Variants in MEGF9 observed in about 807,000 individuals in gnomAD.
The protein encoded by MEGF9 is multiple epidermal growth factor-like domains protein 9.
Under a neutral mutation model 46.8 loss-of-function variants are expected in MEGF9, and 6 were observed. The observed-to-expected ratio is 0.13, with a 90% CI of 0.07 to 0.25. The LOEUF (loss-of-function observed/expected upper bound fraction) is 0.25, where lower values mean the gene tolerates loss of function less well. MEGF9 is among the 10% of genes least tolerant of loss of function. The probability of loss-of-function intolerance (pLI) is 1.00; values close to 1 mark genes in which losing one functional copy is unlikely to be tolerated. For missense variants in MEGF9, 683 were observed against 792.4 expected (o/e 0.86, Z 1.66); for synonymous variants, 302 against 330.7 (o/e 0.91, Z 0.94).
intron 1 of MEGF9, among the ~76,000 whole-genome samples, chr9:120,661,398 T>A (rs1021799556): frequency 3.3e-5 from 5 of 152,168 alleles, no homozygotes; most frequent in Non-Finnish European, 5.9e-5. Context: ...GGGCCTGTAG[T>A]CCTCGCTACT....
At position 120,637,451 on chromosome 9, in the gene MEGF9, G is replaced by A. The variant is rs367626262; in HGVS notation, c.804-14696C>T. Reference sequence around the variant, plus strand: ...TAAAAAAAGTTTAAAAAAAAAGAGAGAAGAAATTTTAAAGAATAAAGTATG... The same window carrying A: ...TAAAAAAAGTTTAAAAAAAAAGAGAAAAGAAATTTTAAAGAATAAAGTATG... On this transcript the variant is annotated intron_variant, in intron 2 of 5. Coordinates refer to ENST00000373930, the MANE Select transcript of MEGF9 (RefSeq NM_001080497.3). Among the ~76,000 whole-genome samples, 7 of 150,310 alleles carry A rather than the reference G, an allele frequency of 4.7e-5. No homozygotes were observed. In the South Asian group the frequency reaches 6.3e-4, roughly 14 times the overall value.
At chr9:120,650,567 C>G (rs922906252) in intron 2 of MEGF9, among the ~76,000 whole-genome samples, 1 of 152,180 alleles carries the variant, frequency 6.6e-6, no homozygotes, top group Admixed American at 6.5e-5. Flanking sequence ...CTCCTGCAGC[C>G]AAAATCTACC....
intron 1 of MEGF9, among the ~76,000 whole-genome samples, chr9:120,708,419 T>C (rs1484759706): frequency 6.6e-6 from 1 of 152,168 alleles, no homozygotes; most frequent in East Asian, 1.9e-4. Context: ...ATCTGTAATA[T>C]TTTGTTTACA....
intron 1 of MEGF9, among the ~76,000 whole-genome samples, chr9:120,673,018 C>G (rs1377709835): frequency 2.0e-5 from 3 of 151,454 alleles, no homozygotes; most frequent in South Asian, 2.1e-4. Context: ...GGCAAAACTC[C>G]GTCTCAAAAA....
chr9:120,632,836 C>T (rs1378843285), intron 2 of MEGF9, among the ~76,000 whole-genome samples: 1 of 152,136 alleles, frequency 6.6e-6, no homozygotes, highest in Non-Finnish European at 1.5e-5. Context: ...TTTTCTGCAT[C>T]CACTGAGATG....
chr9:120,682,593 A>G (rs199800750), intron 1 of MEGF9, among the ~76,000 whole-genome samples: 1 of 137,048 alleles, frequency 7.3e-6, no homozygotes, highest in South Asian at 2.4e-4. Context: ...ACACACACGC[A>G]CACACATATA....
At chr9:120,634,557 G>A (rs577146893) in intron 2 of MEGF9, among the ~76,000 whole-genome samples, 18 of 126,486 alleles carry the variant, frequency 1.4e-4, no homozygotes, top group East Asian at 4.4e-4. Flanking sequence ...TGGGGTTCAC[G>A]CCATTCTCCT....
At chr9:120,628,996 T>C (rs1220529427) in intron 2 of MEGF9, among the ~76,000 whole-genome samples, 1 of 152,102 alleles carries the variant, frequency 6.6e-6, no homozygotes, top group Non-Finnish European at 1.5e-5. Flanking sequence ...TGTTTTTTGA[T>C]ACAGGGTCTC....
At chr9:120,636,255 C>G (rs1236439010) in intron 2 of MEGF9, among the ~76,000 whole-genome samples, 1 of 152,098 alleles carries the variant, frequency 6.6e-6, no homozygotes, top group East Asian at 1.9e-4. Context: ...TCCTAACTTT[C>G]TAGAGTGGCT....
chr9:120,681,994 A>G (rs2043800617), intron 1 of MEGF9, among the ~76,000 whole-genome samples: 1 of 152,196 alleles, frequency 6.6e-6, no homozygotes, highest in Non-Finnish European at 1.5e-5. Context: ...TGAACCTTAC[A>G]AGGATGTTTT....
chr9:120,617,567 T>C (rs2043477875), intron 3 of MEGF9, among the ~76,000 whole-genome samples: 2 of 152,176 alleles, frequency 1.3e-5, no homozygotes, highest in Admixed American at 6.5e-5. Context: ...TAGAGAGATG[T>C]TTGAATTTTA....
chr9:120,612,349 C>G (rs1205790482), intron 4 of MEGF9, 47 bp downstream of exon 4: 1 of 1,582,264 alleles, frequency 6.3e-7, no homozygotes, highest in Non-Finnish European at 8.6e-7. Flanking sequence ...CTATTGATAA[C>G]TGATTTTTTT....
intron 1 of MEGF9, among the ~76,000 whole-genome samples, chr9:120,709,048 T>C (rs991333317): frequency 2.0e-5 from 3 of 152,176 alleles, no homozygotes; most frequent in Non-Finnish European, 4.4e-5. Flanking sequence ...GCAACTGCCC[T>C]CTCTGCTACA....
chr9:120,662,522 T>G (rs1326791518), intron 1 of MEGF9, among the ~76,000 whole-genome samples: 3 of 152,232 alleles, frequency 2.0e-5, no homozygotes, highest in Non-Finnish European at 4.4e-5. Flanking sequence ...CGTAGACGGC[T>G]AAGATTAAAT....
At chr9:120,634,010 T>C (rs893584303) in intron 2 of MEGF9, among the ~76,000 whole-genome samples, 1 of 152,248 alleles carries the variant, frequency 6.6e-6, no homozygotes, top group African/African-American at 2.4e-5. Flanking sequence ...ACATGTGGTC[T>C]ATCCTGGAGA....
chr9:120,625,980 GC>G (rs1195732989), intron 2 of MEGF9, among the ~76,000 whole-genome samples: 1 of 151,250 alleles, frequency 6.6e-6, no homozygotes, highest in Non-Finnish European at 1.5e-5. Context: ...GCTTTCTGAA[GC>G]AAAGGTCAAT....
chr9:120,632,153 T>C (rs951205899), intron 2 of MEGF9, among the ~76,000 whole-genome samples: 2 of 152,060 alleles, frequency 1.3e-5, no homozygotes, highest in African/African-American at 4.8e-5. Flanking sequence ...TCTTGATCTC[T>C]TTACCTGGTG....
At chr9:120,710,479 T>C (rs1337357936) in intron 1 of MEGF9, among the ~76,000 whole-genome samples, 4 of 151,402 alleles carry the variant, frequency 2.6e-5, no homozygotes, top group Non-Finnish European at 5.9e-5. Context: ...GTGAATGTTT[T>C]GCTGGGTTTG....
intron 3 of MEGF9, among the ~76,000 whole-genome samples, chr9:120,618,167 T>C (rs1010636968): frequency 1.3e-5 from 2 of 152,094 alleles, no homozygotes; most frequent in Non-Finnish European, 2.9e-5. Flanking sequence ...CAAATACAAA[T>C]TAAATCCAGG....
Sources: allele counts gnomAD v4.1 joint callset (sites outside exome capture counted in the v4.1 genomes callset), GRCh38; gene constraint gnomAD v4.1.1; transcripts MANE v1.5; gene names NCBI Gene and HGNC (gene_info 2026-07-23, HGNC 2026-07-21).